Variants in KCNT2 observed in about 807,000 individuals in gnomAD.
KCNT2 encodes potassium channel subfamily T member 2.
Under a neutral mutation model 153.8 loss-of-function variants are expected in KCNT2, and 67 were observed. That is an observed-to-expected ratio of 0.44 (90% CI 0.36 to 0.53). The LOEUF is 0.53. KCNT2 is among the 20% of genes least tolerant of loss of function. KCNT2 has a pLI of 0.00. For missense variants in KCNT2, 975 were observed against 1,354.8 expected, an observed-to-expected ratio of 0.72 and a Z score of 4.40; for synonymous variants, 500 against 458.8, an observed-to-expected ratio of 1.09 and a Z score of -1.15.
intron 26 of KCNT2, among the ~76,000 whole-genome samples, chr1:196,253,282 T>A (rs1656152289): frequency 6.6e-6 from 1 of 151,406 alleles, no homozygotes; most frequent in Non-Finnish European, 1.5e-5. Context: ...TTTCGGATAG[T>A]CTATTGCTAT....
chr1:196,378,719 C>T (rs1669187105), intron 13 of KCNT2, among the ~76,000 whole-genome samples: 1 of 146,108 alleles, frequency 6.8e-6, no homozygotes, highest in African/African-American at 2.5e-5. Context: ...TATGAAACAG[C>T]AATATAATAT....
intron 1 of KCNT2, among the ~76,000 whole-genome samples, chr1:196,538,576 G>T (rs1403126169): frequency 6.6e-6 from 1 of 152,128 alleles, no homozygotes; most frequent in Non-Finnish European, 1.5e-5. Flanking sequence ...TATGAATCAA[G>T]CATGAGCTCA....
chr1:196,316,403 T>C (rs924894196), intron 20 of KCNT2, among the ~76,000 whole-genome samples: 10 of 151,762 alleles, frequency 6.6e-5, no homozygotes, highest in African/African-American at 2.4e-4. Context: ...TTTACTTTTT[T>C]TTACTTCTAA....
chr1:196,316,514 T>G (rs961711008), intron 20 of KCNT2, among the ~76,000 whole-genome samples: 8 of 151,706 alleles, frequency 5.3e-5, no homozygotes. Flanking sequence ...TTTTAAATGT[T>G]TATTATTCCT....
chr1:196,393,853 C>T (rs979826128), intron 13 of KCNT2, among the ~76,000 whole-genome samples: 1 of 151,436 alleles, frequency 6.6e-6, no homozygotes, highest in Non-Finnish European at 1.5e-5. Context: ...TTACTAGAAT[C>T]GCTACACCCA....
intron 8 of KCNT2, among the ~76,000 whole-genome samples, chr1:196,454,345 C>T (rs6657157): frequency 0.99 from 149,997 of 152,046 alleles, 74,013 homozygotes; most frequent in Middle Eastern, 1. Context: ...TAGTATCTAA[C>T]AGGTAGTTTT....
chr1:196,550,345 T>C (rs916760159), intron 1 of KCNT2, among the ~76,000 whole-genome samples: 1 of 151,884 alleles, frequency 6.6e-6, no homozygotes, highest in Non-Finnish European at 1.5e-5. Context: ...AGATTCTTCT[T>C]AACTGTTTTG....
In KCNT2 at chr1:196,467,742, C is replaced by T; in HGVS notation, c.504G>A (p.Leu168=). The T allele has an allele frequency of 1.9e-6, 3 of 1,606,682 alleles. No individual in the cohort carries two copies. Among genetic ancestry groups the T allele is most frequent in the Non-Finnish European group, 2.6e-6 (3 of 1,175,160 alleles). ...SLRNLFVPVF[L]NCWLAKHALE... is the part of the protein sequence containing the mutation. ...AGGCATGTTTGGCAAGCCAACAGTT[C>T]AGAAAGACTGGGACAAATAGATTCC... is the stretch of plus-strand genomic sequence containing the variant. The change falls in exon 7 of 28, where the codon CTG becomes CTA. Residue 168 remains leucine, a synonymous_variant. Coordinates refer to ENST00000294725, the MANE Select transcript of KCNT2 (RefSeq NM_198503.5).
intron 27 of KCNT2, among the ~76,000 whole-genome samples, chr1:196,234,565 C>A (rs545453623): frequency 1.3e-5 from 2 of 151,350 alleles, no homozygotes; most frequent in South Asian, 2.1e-4. Flanking sequence ...TTCACCCCAA[C>A]CCTAACCCAT....
intron 1 of KCNT2, among the ~76,000 whole-genome samples, chr1:196,547,419 C>T (rs574944824): frequency 2.2e-4 from 34 of 152,006 alleles, no homozygotes; most frequent in Admixed American, 6.6e-4. Context: ...ACTGGACAGA[C>T]GATGGATGTC....
chr1:196,505,443 ATC>A (rs1681051078), intron 1 of KCNT2, among the ~76,000 whole-genome samples: 2 of 150,748 alleles, frequency 1.3e-5, no homozygotes, highest in Non-Finnish European at 3.0e-5. Context: ...ATTGATCTAT[ATC>A]TCTGTTTTGG....
chr1:196,520,389 T>G (rs147510843), intron 1 of KCNT2, among the ~76,000 whole-genome samples: 2 of 151,546 alleles, frequency 1.3e-5, no homozygotes, highest in African/African-American at 4.8e-5. Context: ...TACTTGAAAA[T>G]TGGCACAAGA....
Position 196,514,796 on chromosome 1 carries a change from A to T in KCNT2, c.96-22455T>A, listed in dbSNP as rs533433511. 4.6e-5 allele frequency among the ~76,000 whole-genome samples: 7 copies of T among 152,300 alleles called. No homozygotes were observed. The South Asian group carries it at 1.2e-3, about 27-fold the overall frequency. On this transcript the variant is annotated intron_variant, in intron 1 of 27. Coordinates refer to ENST00000294725, the MANE Select transcript of KCNT2 (RefSeq NM_198503.5). ...CTTTTCATATACTTATTAATGAATC[A>T]TTAAAACCATAACTTTATTAATTCT...
intron 1 of KCNT2, among the ~76,000 whole-genome samples, chr1:196,586,123 G>C (rs1321659137): frequency 6.6e-6 from 1 of 151,900 alleles, no homozygotes; most frequent in African/African-American, 2.4e-5. Flanking sequence ...AATTATCCAG[G>C]CGTAGTGGCA....
chr1:196,516,727 G>C (rs1173484316), intron 1 of KCNT2, among the ~76,000 whole-genome samples: 1 of 152,132 alleles, frequency 6.6e-6, no homozygotes, highest in Non-Finnish European at 1.5e-5. Context: ...CAGTGTGTTC[G>C]GGCTGGCAAC....
intron 1 of KCNT2, among the ~76,000 whole-genome samples, chr1:196,558,270 A>C (rs911098742): frequency 6.6e-6 from 1 of 151,492 alleles, no homozygotes; most frequent in Non-Finnish European, 1.5e-5. Flanking sequence ...TCAAATCATA[A>C]ATGGAAAGTA....
intron 15 of KCNT2, among the ~76,000 whole-genome samples, chr1:196,341,424 T>G (rs1005537223): frequency 3.3e-5 from 5 of 152,010 alleles, no homozygotes; most frequent in African/African-American, 1.2e-4. Context: ...AAAAAAATAG[T>G]AAGTCAAAGC....
intron 1 of KCNT2, among the ~76,000 whole-genome samples, chr1:196,559,915 A>G (rs1038630036): frequency 6.6e-6 from 1 of 151,846 alleles, no homozygotes; most frequent in Non-Finnish European, 1.5e-5. Context: ...CACGTTAAAT[A>G]AGACATTTCA....
chr1:196,331,286 C>T lies in KCNT2; in HGVS notation c.1998-25G>A, dbSNP rs1207248549. 2.5e-6 allele frequency: 3 copies of T among 1,216,384 alleles called. No homozygotes were observed. The Admixed American group carries it at 5.1e-5, about 21-fold the overall frequency. 75.3% of individuals were successfully genotyped at this position (1,216,384 alleles called of 1,614,324 possible). On this transcript the variant is annotated intron_variant, in intron 17 of 27. Transcript: ENST00000294725. The stretch of plus-strand genomic sequence containing the variant: ...CCTGTAAAATAATACAAAATATTAC[C>T]CTTGGATAAGGCATGCAAATTTGAG...
Sources: allele counts gnomAD v4.1 joint callset (sites outside exome capture counted in the v4.1 genomes callset), GRCh38; gene constraint gnomAD v4.1.1; transcripts MANE v1.5; gene names NCBI Gene and HGNC (gene_info 2026-07-23, HGNC 2026-07-21).